Variants in MDM1 observed in about 807,000 individuals in gnomAD.
MDM1 encodes the protein Mdm1 nuclear protein.
A neutral mutation model predicts 89.1 loss-of-function variants in MDM1; 61 were observed. That is an observed-to-expected ratio of 0.68 (90% confidence interval 0.56 to 0.85). The LOEUF is 0.85. Ranked by LOEUF, MDM1 falls within the 40% of genes least tolerant of loss-of-function variation. The pLI, the probability that MDM1 is intolerant of heterozygous loss-of-function variation, is 0.00. For synonymous variants in MDM1, 290 were observed against 294.1 expected (o/e 0.99, Z 0.14); for missense variants, 820 against 846.5 (o/e 0.97, Z 0.39).
chr12:68,315,227 G>A lies in MDM1; in HGVS notation c.1250C>T (p.Ser417Phe), dbSNP rs749142526. Residue 417 changes from serine (S) to phenylalanine (F), a missense_variant, in exon 10 of 15, where the codon TCT (serine) becomes TTT (phenylalanine). Ser to Phe is a radical substitution (Grantham distance 155). Coordinates refer to ENST00000682720, the MANE Select transcript of MDM1 (RefSeq NM_001354969.2). ...TSHKTLQKCP[S>F]TEPEEKGNIV... Reference sequence around the variant, plus strand: ...ATTTCCTTTTTCTTCTGGTTCTGTAGAAGGACATTTCTGCAAAGTCTTATG... The same window carrying A: ...ATTTCCTTTTTCTTCTGGTTCTGTAAAAGGACATTTCTGCAAAGTCTTATG... 2 of 1,614,154 alleles carry A rather than the reference G, an allele frequency of 1.2e-6. No homozygotes were observed. Among genetic ancestry groups the A allele is most frequent in the African/African-American group, 2.7e-5 (2 of 75,036 alleles).
chr12:68,327,874 G>C (rs547994276), intron 2 of MDM1, among the ~76,000 whole-genome samples: 1 of 152,162 alleles, frequency 6.6e-6, no homozygotes, highest in Admixed American at 6.5e-5. Context: ...TCTGTCTGGA[G>C]GCACACAAAG....
chr12:68,328,171 T>G (rs558873395), intron 2 of MDM1, among the ~76,000 whole-genome samples: 71 of 152,194 alleles, frequency 4.7e-4, no homozygotes, highest in African/African-American at 1.7e-3. Context: ...AGAAAGCATA[T>G]CCCTGAGGGA....
At chr12:68,315,529 C>T (rs1374188850) in intron 9 of MDM1, among the ~76,000 whole-genome samples, 6 of 152,198 alleles carry the variant, frequency 3.9e-5, no homozygotes, top group African/African-American at 1.4e-4. Context: ...TTGTGTACAT[C>T]TGCTGACACA....
intron 7 of MDM1, among the ~76,000 whole-genome samples, chr12:68,319,589 C>T (rs1565780027): frequency 6.6e-6 from 1 of 152,152 alleles, no homozygotes; most frequent in Non-Finnish European, 1.5e-5. Flanking sequence ...ATAAGTAAAA[C>T]ATGGCTCATA....
chr12:68,313,796 G>A (rs4575357), intron 10 of MDM1, 43 bp from the exon 11 acceptor site: 491,971 of 1,416,320 alleles, frequency 0.35, 89,506 homozygotes, highest in Admixed American at 0.41. Flanking sequence ...GCATTTCCTC[G>A]AGAAAATATG....
chr12:68,314,780 G>A (rs1189985499), intron 10 of MDM1, among the ~76,000 whole-genome samples, 168 bp downstream of exon 10: 2 of 152,168 alleles, frequency 1.3e-5, no homozygotes, highest in South Asian at 2.1e-4. Flanking sequence ...AAATACCTGA[G>A]TGAATCAAAT....
chr12:68,318,709 A>C (rs1363001769), intron 7 of MDM1, among the ~76,000 whole-genome samples: 1 of 152,210 alleles, frequency 6.6e-6, no homozygotes, highest in Non-Finnish European at 1.5e-5. Context: ...GCCACCAAAA[A>C]GGATAGAAAT....
chr12:68,307,647 C>CA lies in MDM1; in HGVS notation c.1750-4776dup, dbSNP rs1873083953. 2.7e-5 allele frequency among the ~76,000 whole-genome samples: 4 copies of CA among 150,600 alleles called. No homozygotes were observed. In the South Asian group the frequency reaches 8.4e-4, roughly 32 times the overall value. On this transcript the variant is annotated intron_variant, in intron 12 of 14. Transcript: ENST00000682720. ...CACAGCAAGACCTTGTCTCAAAAAG[C>CA]AAAAAATGGGCCAGATGTGGTGGTT...
Position 68,314,992 on chromosome 12 carries a change from CT to C in MDM1, c.1484del (p.Lys495SerfsTer13). 1 of 1,614,142 alleles carries C rather than the reference CT, an allele frequency of 6.2e-7. No homozygotes were observed. Among genetic ancestry groups the C allele is most frequent in the Non-Finnish European group, 8.5e-7 (1 of 1,180,022 alleles). On this transcript the variant is annotated frameshift_variant, in exon 10 of 15. Coordinates refer to ENST00000682720, the MANE Select transcript of MDM1 (RefSeq NM_001354969.2). LOFTEE classifies it high-confidence loss of function. Reference sequence around the variant, plus strand: ...CCTTAGATTTCTCACGTACATCCAACTTCTCTTGCTCTCCCATAAAAGCCTG... The same window carrying C: ...CCTTAGATTTCTCACGTACATCCAACTCTCTTGCTCTCCCATAAAAGCCTG... ...GKQAFMGEQEKLDVREKSKAD... is the reference protein window; with the variant it reads ...GKQAFMGEQEXLDVREKSKAD...
rs1351478474 is a variant in MDM1 at position 68,313,496 on chromosome 12, T to C, written c.1696A>G (p.Lys566Glu). The C allele has an allele frequency of 4.3e-6, 7 of 1,613,958 alleles. No individual in the cohort carries two copies. Among genetic ancestry groups the C allele is most frequent in the Admixed American group, 1.7e-5 (1 of 60,010 alleles). ...KMKPPAPEQR[K>E]RMTSQDCLET... ...AAACAATCCTGAGAGGTCATTCTTT[T>C]CCTCTGTTCTGGGGCTGGAGGCTTC... The change falls in exon 12 of 15, where the codon AAA (lysine) becomes GAA (glutamate). Residue 566 changes from lysine to glutamate, a missense_variant. Lys to Glu is a moderately conservative substitution (Grantham distance 56). Transcript: ENST00000682720.
rs376113390 is a variant in MDM1, at chr12:68,302,862, C to T, written c.1760G>A (p.Arg587His). 7.9e-5 allele frequency: 107 copies of T among 1,348,392 alleles called. No homozygotes were observed. Among genetic ancestry groups the T allele is most frequent in the Admixed American group, 2.5e-4 (9 of 36,582 alleles). The allele number at this position is 1,348,392 out of a possible 1,614,324, so 83.5% of individuals were successfully genotyped here. ...TGGAGAAGTCAGTAGGGATACAGCA[C>T]GACTTTCTTTCTAAATGACAAAAAA... ...SKNDFTKKES[R>H]AVSLLTSPAA... Residue 587 changes from arginine to histidine, a missense_variant, in exon 13 of 15, where the codon CGT becomes CAT. Coordinates refer to ENST00000682720, the MANE Select transcript of MDM1 (RefSeq NM_001354969.2).
intron 2 of MDM1, chr12:68,327,390 G>A: frequency 6.5e-7 from 1 of 1,535,192 alleles, no homozygotes; most frequent in Non-Finnish European, 8.7e-7. Context: ...CAGAACAATG[G>A]GCCCTGGTAC....
chr12:68,306,869 T>A (rs1479667342), intron 12 of MDM1, among the ~76,000 whole-genome samples: 1 of 152,190 alleles, frequency 6.6e-6, no homozygotes, highest in Non-Finnish European at 1.5e-5. Flanking sequence ...AGGAAATCAT[T>A]CTATGAAAAA....
chr12:68,310,171 A>T (rs1873486279), intron 12 of MDM1, among the ~76,000 whole-genome samples: 1 of 152,156 alleles, frequency 6.6e-6, no homozygotes, highest in Non-Finnish European at 1.5e-5. Flanking sequence ...AGATTTCCCC[A>T]TGTTGGCCAG....
rs1876957529 is a variant in MDM1 at position 68,332,261 on chromosome 12, A to C, written c.-16T>G. 1 of 1,581,926 alleles carries C rather than the reference A, an allele frequency of 6.3e-7. No individual in the cohort carries two copies. Reference sequence around the variant, plus strand: ...GCACCGGCATGTCGCCCGGCGCCGGAGCCCCCGCTACTCCGACAGTTAACT... The same window carrying C: ...GCACCGGCATGTCGCCCGGCGCCGGCGCCCCCGCTACTCCGACAGTTAACT... On this transcript the variant is annotated 5_prime_UTR_variant, in exon 1 of 15. Transcript: ENST00000682720.
rs1421847354 is a variant in MDM1 at position 68,320,785 on chromosome 12, G to A, written c.1005+562C>T. Among the ~76,000 whole-genome samples, 4 of 152,270 alleles carry A rather than the reference G, an allele frequency of 2.6e-5. No individual in the cohort carries two copies. The East Asian group carries it at 7.7e-4, about 29-fold the overall frequency. On this transcript the variant is annotated intron_variant, in intron 7 of 14. Coordinates refer to ENST00000682720, the MANE Select transcript of MDM1 (RefSeq NM_001354969.2). ...AAAAAGGTTCCATTCTCTATCCTTT[G>A]AGTATAAGAAGCTAGTACTAAAGTA...
intron 2 of MDM1, among the ~76,000 whole-genome samples, chr12:68,329,823 C>T (rs972514968): frequency 1.3e-5 from 2 of 152,114 alleles, no homozygotes; most frequent in African/African-American, 4.8e-5. Flanking sequence ...AAACTCTGGC[C>T]CAGGACTCTG....
At chr12:68,312,549 C>A (rs546869296) in intron 12 of MDM1, among the ~76,000 whole-genome samples, 11 of 152,348 alleles carry the variant, frequency 7.2e-5, no homozygotes, top group African/African-American at 2.6e-4. Context: ...TGACTCCCAA[C>A]TGTTTTTATG....
chr12:68,298,563 T>C lies in MDM1; in HGVS notation c.2003-1581A>G, dbSNP rs77096946. Among the ~76,000 whole-genome samples the C allele has an allele frequency of 7.7e-4, 117 of 152,232 alleles. No homozygotes were observed. In the East Asian group the frequency reaches 0.019, roughly 25 times the overall value. ...TATAGACAGCCTTCCTGGAACACTT[T>C]AGGGTGACTGCTTCCCCACAGGAGG... On this transcript the variant is annotated intron_variant, in intron 13 of 14. Transcript: ENST00000682720.
Sources: gnomAD v4.1 joint callset for allele counts (sites outside exome capture counted in the v4.1 genomes callset) on GRCh38, gnomAD v4.1.1 for gene constraint, MANE v1.5 for transcripts, NCBI Gene and HGNC (gene_info 2026-07-23, HGNC 2026-07-21) for gene names.